ABR: variants seen among roughly 807,000 people sequenced by gnomAD.
The protein encoded by ABR is active breakpoint cluster region-related protein.
ABR carries 35 observed loss-of-function variants against 107.2 expected under a neutral mutation model. The observed-to-expected ratio is 0.33, with a 90% confidence interval of 0.25 to 0.43. The LOEUF is 0.43. Among genes scored for constraint, ABR ranks in the 20% least tolerant of loss-of-function variants. The pLI is 1.00. For missense variants in ABR, 815 were observed against 1,115.2 expected (o/e 0.73, Z 3.83); for synonymous variants, 498 against 462.0 (o/e 1.08, Z -1.00).
intron 1 of ABR, among the ~76,000 whole-genome samples, chr17:1,161,438 G>A (rs910708192): frequency 6.6e-6 from 1 of 151,764 alleles, no homozygotes; most frequent in Admixed American, 6.6e-5. Context: ...TAGAGACAGG[G>A]TCTTGATATG....
chr17:1,193,057 A>G (rs960023286), intron 1 of ABR, among the ~76,000 whole-genome samples: 1 of 152,332 alleles, frequency 6.6e-6, no homozygotes, highest in South Asian at 2.1e-4. Context: ...TCAAAACAAA[A>G]AACAAAACAA....
rs1219258322 is a variant in ABR at position 1,092,090 on chromosome 17, C to T, written c.346-240G>A. Among the ~76,000 whole-genome samples the T allele has an allele frequency of 2.6e-5, 4 of 152,144 alleles. No homozygotes were observed. Among genetic ancestry groups the T allele is most frequent in the Admixed American group, 6.5e-5 (1 of 15,282 alleles). Reference sequence around the variant, plus strand: ...CTGTGCCAGGCCCGAGGGGTGGTGCCTGGGCTCACTCCCCTACCACGCAGC... The same window carrying T: ...CTGTGCCAGGCCCGAGGGGTGGTGCTTGGGCTCACTCCCCTACCACGCAGC... On this transcript the variant is annotated intron_variant, in intron 3 of 22. Transcript: ENST00000302538. The surrounding 1 kb of genome is among the most constrained non-coding windows in gnomAD (Gnocchi z 4.6).
At chr17:1,056,938 C>A (rs62069679) in intron 13 of ABR, 60 bp downstream of exon 13, 159,719 of 1,193,332 alleles carry the variant, frequency 0.13, 12,272 homozygotes, top group Non-Finnish European at 0.16. Context: ...TTACGGGAAG[C>A]CGGCCACGCT....
chr17:1,070,980 T>C lies in ABR; in HGVS notation c.895-890A>G, dbSNP rs2035192852. On this transcript the variant is annotated intron_variant, in intron 8 of 22. Coordinates refer to ENST00000302538, the MANE Select transcript of ABR (RefSeq NM_021962.5). The surrounding 1 kb of genome is among the most constrained non-coding windows in gnomAD (Gnocchi z 4.2). The stretch of plus-strand genomic sequence containing the variant: ...GAGTTTGAGACCAGCCTGGCCAACG[T>C]GGCGAAACCCCGTCTCTACTAAAAA... Among the ~76,000 whole-genome samples, 1 of 152,112 alleles carries C rather than the reference T, an allele frequency of 6.6e-6. No homozygotes were observed. Among genetic ancestry groups the C allele is most frequent in the Non-Finnish European group, 1.5e-5 (1 of 68,022 alleles).
At chr17:1,141,374 C>T (rs773203589) in intron 1 of ABR, among the ~76,000 whole-genome samples, 6 of 152,176 alleles carry the variant, frequency 3.9e-5, no homozygotes, top group Non-Finnish European at 7.3e-5. Context: ...GGTTCCATTC[C>T]TGAGATTAGC....
At chr17:1,023,308 T>G (rs749671048) in intron 16 of ABR, among the ~76,000 whole-genome samples, 1 of 152,240 alleles carries the variant, frequency 6.6e-6, no homozygotes, top group Non-Finnish European at 1.5e-5. Flanking sequence ...TGGGCTGCTC[T>G]TGGAGGCCCC....
At chr17:1,030,634 G>A (rs76616688) in intron 16 of ABR, among the ~76,000 whole-genome samples, 5,313 of 152,284 alleles carry the variant, frequency 0.035, 128 homozygotes, top group Middle Eastern at 0.062. Context: ...GAAACAAAAC[G>A]AGGGGCCAGT....
intron 1 of ABR, among the ~76,000 whole-genome samples, chr17:1,202,010 C>T (rs1413393058): frequency 1.3e-5 from 2 of 151,972 alleles, no homozygotes; most frequent in Non-Finnish European, 2.9e-5. Context: ...GTCAAAGCAA[C>T]GCTATTCTTC....
intron 1 of ABR, among the ~76,000 whole-genome samples, chr17:1,212,744 C>T (rs2042926948): frequency 6.6e-6 from 1 of 152,146 alleles, no homozygotes; most frequent in Non-Finnish European, 1.5e-5. Flanking sequence ...ACAAAATTAG[C>T]CAAGTGTGGT....
In ABR at chr17:1,193,128, T is replaced by C. The variant is rs117477377; in HGVS notation, c.838+35665A>G. 7.6e-3 allele frequency among the ~76,000 whole-genome samples: 1,157 copies of C among 152,268 alleles called. 10 individuals carry two copies. Among genetic ancestry groups the C allele is most frequent in the South Asian group, 0.018 (87 of 4,826 alleles). The stretch of plus-strand genomic sequence containing the variant: ...AGCGAAGAGCTAGAATGGATGACTG[T>C]GGAGAAGGTTCTTTTGGGAACTGGG... On this transcript the variant is annotated intron_variant, in intron 1 of 22. Coordinates refer to the ABR transcript ENST00000574139.
chr17:1,216,014 A>G (rs11657002), intron 1 of ABR, among the ~76,000 whole-genome samples: 11,970 of 132,860 alleles, frequency 0.09, 617 homozygotes, highest in Middle Eastern at 0.17. Flanking sequence ...CCTAATCTCA[A>G]GTACCCAGGG....
At chr17:1,121,116 G>T (rs2039325667) in intron 2 of ABR, among the ~76,000 whole-genome samples, 1 of 152,194 alleles carries the variant, frequency 6.6e-6, no homozygotes, top group Non-Finnish European at 1.5e-5. Context: ...GCCTGGACTT[G>T]GGCAGGGTTT....
At chr17:1,212,811 C>T (rs2042928817) in intron 1 of ABR, among the ~76,000 whole-genome samples, 1 of 151,984 alleles carries the variant, frequency 6.6e-6, no homozygotes, top group Non-Finnish European at 1.5e-5. Flanking sequence ...ATCGCTTGAG[C>T]CCAGAAGTTG....
intron 20 of ABR, chr17:1,009,995 A>C (rs2070395868): frequency 1.7e-6 from 1 of 600,460 alleles, no homozygotes; most frequent in Non-Finnish European, 3.0e-6. Context: ...CTCAGCCAGG[A>C]GGCCGGCTGG....
At chr17:1,111,129 C>G (rs1597851628) in intron 2 of ABR, among the ~76,000 whole-genome samples, 1 of 152,290 alleles carries the variant, frequency 6.6e-6, no homozygotes, top group East Asian at 1.9e-4. Context: ...GGGCCTAAAA[C>G]CCCACAGGCC....
chr17:1,166,157 A>G (rs1301586110), intron 1 of ABR, among the ~76,000 whole-genome samples: 1 of 151,864 alleles, frequency 6.6e-6, no homozygotes, highest in Non-Finnish European at 1.5e-5. Flanking sequence ...TCTCAGCTCT[A>G]TTTTTACTCA....
chr17:1,012,411 C>A (rs1471915452), intron 18 of ABR: 1 of 675,530 alleles, frequency 1.5e-6, no homozygotes, highest in Admixed American at 2.0e-5. Context: ...AAACGTAGGC[C>A]CCCGGCTGAC....
At position 1,011,790 on chromosome 17, in the gene ABR, C is replaced by T. The variant is rs186319921; in HGVS notation, c.2101+56G>A. The T allele has an allele frequency of 1.5e-3, 2,300 of 1,523,002 alleles. 24 individuals are homozygous for T. The highest frequency in any genetic ancestry group is 1.0e-3 in the East Asian group (45 of 43,786). 94.3% of individuals were successfully genotyped at this position (1,523,002 alleles called of 1,614,324 possible). On this transcript the variant is annotated intron_variant, in intron 19 of 22. Transcript: ENST00000302538. This position sits in a 1 kb window ranked among gnomAD's most constrained non-coding sequence, Gnocchi z 4.8. ...GTTCCCCCGAGCTCTCCTGTCCATCCCACCAGCCTGCTCAGACACAGCCAC... is the reference window on the plus strand; with the variant it reads ...GTTCCCCCGAGCTCTCCTGTCCATCTCACCAGCCTGCTCAGACACAGCCAC...
At chr17:1,203,239 A>G (rs1342329526) in intron 1 of ABR, among the ~76,000 whole-genome samples, 1 of 151,566 alleles carries the variant, frequency 6.6e-6, no homozygotes, top group African/African-American at 2.4e-5. Context: ...GATCCTGGGG[A>G]GACTCCTTGG....
Sources: gnomAD v4.1 joint callset for allele counts (sites outside exome capture counted in the v4.1 genomes callset) on GRCh38, gnomAD v4.1.1 for gene constraint, Gnocchi (gnomAD v3.1) non-coding constraint, MANE v1.5 for transcripts, NCBI Gene and HGNC (gene_info 2026-07-23, HGNC 2026-07-21) for gene names.